Variants in MAU2 observed in about 807,000 individuals in gnomAD.
MAU2 encodes the protein MAU2 chromatid cohesion factor homolog.
A neutral mutation model predicts 89.1 loss-of-function variants in MAU2; 9 were observed. The ratio of observed to expected loss-of-function variants is 0.10; its 90% confidence interval spans 0.06 to 0.18. The LOEUF (loss-of-function observed/expected upper bound fraction) is 0.18, where lower values mean the gene tolerates loss of function less well. MAU2 is among the 10% of genes least tolerant of loss of function. The probability of loss-of-function intolerance (pLI) is 1.00; values close to 1 mark genes in which losing one functional copy is unlikely to be tolerated. For synonymous variants in MAU2, 357 were observed against 343.4 expected (o/e 1.04, Z -0.44); for missense variants, 425 against 803.5 (o/e 0.53, Z 5.69).
chr19:19,333,039 T>G (rs906913480), intron 1 of MAU2, among the ~76,000 whole-genome samples: 2 of 151,602 alleles, frequency 1.3e-5, no homozygotes, highest in Non-Finnish European at 2.9e-5. Context: ...ATTATCCCAT[T>G]GCACTCCAGC....
intron 10 of MAU2, chr19:19,344,558 T>C (rs531119949): frequency 2.0e-4 from 103 of 519,686 alleles, no homozygotes; most frequent in African/African-American, 1.6e-3. Flanking sequence ...CTACCCCCAG[T>C]ACCCACCCTC....
intron 1 of MAU2, among the ~76,000 whole-genome samples, chr19:19,333,911 C>G (rs960499574): frequency 6.6e-6 from 1 of 152,162 alleles, no homozygotes; most frequent in Admixed American, 6.5e-5. Context: ...GTCTGAAGAG[C>G]TCCCCCTTGC....
At chr19:19,327,160 T>A (rs1336422188) in intron 1 of MAU2, among the ~76,000 whole-genome samples, 1 of 149,298 alleles carries the variant, frequency 6.7e-6, no homozygotes, top group Non-Finnish European at 1.5e-5. Context: ...CTCACTCTGT[T>A]GCCCAGGCTG....
chr19:19,352,082 C>T (rs1350850833), intron 16 of MAU2, among the ~76,000 whole-genome samples: 1 of 151,974 alleles, frequency 6.6e-6, no homozygotes, highest in Admixed American at 6.6e-5. Flanking sequence ...CTCCTGACCT[C>T]AGGTGATCTG....
chr19:19,357,820 G>T lies in MAU2; in HGVS notation c.*2038G>T, dbSNP rs1568673040. The T allele has an allele frequency of 6.6e-6, 1 of 152,120 alleles. No homozygotes were observed. The highest frequency in any genetic ancestry group is 1.5e-5 in the Non-Finnish European group (1 of 68,022). The allele number at this position is 152,120 out of a possible 1,614,324, so 9.4% of individuals were successfully genotyped here. On this transcript the variant is annotated 3_prime_UTR_variant, in exon 19 of 19. Transcript: ENST00000262815. ...TGTGCATGTGTGTGTGTGCGTGTGT[G>T]CAAGCTTTGAACCTCCTTCCACAGC...
chr19:19,336,559 C>T (rs1234960342), intron 3 of MAU2, among the ~76,000 whole-genome samples: 1 of 152,208 alleles, frequency 6.6e-6, no homozygotes, highest in Non-Finnish European at 1.5e-5. Flanking sequence ...TACACAGGAA[C>T]CACTGTGCCC....
At chr19:19,340,755 A>C in intron 5 of MAU2, 91 bp from the exon 6 acceptor site, 2 of 1,370,848 alleles carry the variant, frequency 1.5e-6, no homozygotes, top group South Asian at 2.6e-5. Context: ...CTGAGGTGGC[A>C]TATTAGGTCC....
At position 19,338,911 on chromosome 19, in the gene MAU2, G is replaced by A; in HGVS notation, c.523G>A (p.Ala175Thr). ...CDLLGVGAEY[A>T]RVVGSEYTRA... is the part of the protein sequence containing the mutation. ...CCTCCTGGGTGTAGGGGCCGAGTAC[G>A]CCCGGGTGGTGGGATCTGAATACAC... Residue 175 changes from alanine (A) to threonine (T), a missense_variant, in exon 5 of 19, where the codon GCC becomes ACC. Physicochemically the swap from Ala to Thr is moderately conservative, Grantham distance 58 (BLOSUM62 0). Around this residue, in one of 11 missense-constraint regions of MAU2, gnomAD observed 119 missense variants for 299.8 expected, o/e 0.40. Coordinates refer to ENST00000262815, the MANE Select transcript of MAU2 (RefSeq NM_015329.4). 2 of 1,613,562 alleles carry A rather than the reference G, an allele frequency of 1.2e-6. No individual in the cohort carries two copies. Among genetic ancestry groups the A allele is most frequent in the Non-Finnish European group, 1.7e-6 (2 of 1,179,870 alleles).
chr19:19,325,999 A>ATTT (rs34191015), intron 1 of MAU2, among the ~76,000 whole-genome samples: 14,342 of 117,036 alleles, frequency 0.12, 1,118 homozygotes, highest in African/African-American at 0.17. Flanking sequence ...CCTCAACTGC[A>ATTT]TTTTTTTTTT....
intron 1 of MAU2, among the ~76,000 whole-genome samples, chr19:19,330,053 C>A (rs2061543685): frequency 6.6e-6 from 1 of 151,696 alleles, no homozygotes; most frequent in African/African-American, 2.4e-5. Context: ...AATCTTAGCT[C>A]CCTGCCACTT....
rs746726762 is a variant in MAU2, at chr19:19,343,877, C to G, written c.1014C>G (p.Ile338Met). The G allele has an allele frequency of 1.9e-6, 3 of 1,613,626 alleles. No homozygotes were observed. Among genetic ancestry groups the G allele is most frequent in the Non-Finnish European group, 2.5e-6 (3 of 1,180,024 alleles). Residue 338 changes from isoleucine (I) to methionine (M), a missense_variant, in exon 10 of 19, where the codon ATC becomes ATG. By Grantham distance (10) the Ile-to-Met change is conservative (BLOSUM62 1). Transcript: ENST00000262815. ...CSPILSSFQV[I>M]LLEHIIMCRL... is the part of the protein sequence containing the mutation. ...CCATCCTGTCATCCTTCCAAGTGAT[C>G]CTGCTGGAGCACATCATCATGTGCC...
At chr19:19,328,410 G>A (rs1599891858) in intron 1 of MAU2, among the ~76,000 whole-genome samples, 2 of 149,808 alleles carry the variant, frequency 1.3e-5, no homozygotes. Context: ...CTGCATATCC[G>A]TTTCCCCCTT....
intron 16 of MAU2, among the ~76,000 whole-genome samples, chr19:19,351,400 T>C (rs954047919): frequency 1.3e-5 from 2 of 151,226 alleles, no homozygotes; most frequent in Non-Finnish European, 2.9e-5. Context: ...CCAGACACAG[T>C]GGCTCAGGCC....
intron 1 of MAU2, among the ~76,000 whole-genome samples, chr19:19,335,060 G>A (rs12463074): frequency 0.05 from 7,620 of 152,228 alleles, 256 homozygotes; most frequent in East Asian, 0.12. Context: ...GGGAACTGTT[G>A]GAACATGGAA....
rs1445199462 is a variant in MAU2, at chr19:19,357,672, G to A, written c.*1890G>A. 1.3e-5 allele frequency: 2 copies of A among 152,372 alleles called. No homozygotes were observed. The highest frequency in any genetic ancestry group is 2.4e-5 in the African/African-American group (1 of 41,382). The allele number at this position is 152,372 out of a possible 1,614,324, so 9.4% of individuals were successfully genotyped here. On this transcript the variant is annotated 3_prime_UTR_variant, in exon 19 of 19. Transcript: ENST00000262815. Reference sequence around the variant, plus strand: ...TTAACATCTGTCCTGATGTTAAAGTGCTTTTCATGACCACCCTGTTATCTA... The same window carrying A: ...TTAACATCTGTCCTGATGTTAAAGTACTTTTCATGACCACCCTGTTATCTA...
intron 1 of MAU2, among the ~76,000 whole-genome samples, chr19:19,334,932 A>G (rs1483074820): frequency 2.6e-5 from 4 of 152,158 alleles, no homozygotes. Flanking sequence ...GGCTCTTGTC[A>G]GGTGCAGGTT....
rs2061701504 is a variant in MAU2 at position 19,347,350 on chromosome 19, A to G, written c.1292A>G (p.Asn431Ser). The G allele has an allele frequency of 1.2e-6, 2 of 1,613,414 alleles. No homozygotes were observed. The highest frequency in any genetic ancestry group is 2.2e-5 in the East Asian group (1 of 44,874). The change falls in exon 13 of 19, where the codon AAT becomes AGT. Residue 431 changes from asparagine (N) to serine (S), a missense_variant. Physicochemically the swap from Asn to Ser is conservative, Grantham distance 46. This residue lies in a region of MAU2 where 66 missense variants were observed against 129.1 expected (regional missense o/e 0.51). Coordinates refer to ENST00000262815, the MANE Select transcript of MAU2 (RefSeq NM_015329.4). ...NLASVYIREG[N>S]RHQEVLYSLL... ...GCGAGTGTGTATATACGGGAAGGAA[A>G]TAGACACCAAGAGGTAGTAGGTGAC...
chr19:19,321,216 GGGGGGCCGCTCCTCGGCGACCT>G, intron 1 of MAU2, 81 bp downstream of exon 1: 2 of 1,389,956 alleles, frequency 1.4e-6, no homozygotes, highest in South Asian at 1.6e-5. Flanking sequence ...CGCGGCGGGT[GGGGGGCCGCTCCTCGGCGACCT>G]GGGGGCGCGA....
At chr19:19,348,792 C>A in intron 13 of MAU2, 97 bp from the exon 14 acceptor site, 1 of 1,335,680 alleles carries the variant, frequency 7.5e-7, no homozygotes, top group Non-Finnish European at 1.1e-6. Context: ...ACAGTCCCGA[C>A]GGGGGTGTAG....
Sources: gnomAD v4.1 joint callset for allele counts (sites outside exome capture counted in the v4.1 genomes callset) on GRCh38, gnomAD v4.1.1 for gene constraint, gnomAD v4.1.1 regional missense constraint, MANE v1.5 for transcripts, NCBI Gene and HGNC (gene_info 2026-07-23, HGNC 2026-07-21) for gene names.